ASAP1: variants seen among roughly 807,000 people sequenced by gnomAD.
ASAP1 encodes the protein ArfGAP with SH3 domain, ankyrin repeat and PH domain 1.
ASAP1 carries 43 observed loss-of-function variants against 145.2 expected under a neutral mutation model. The observed-to-expected ratio is 0.30, with a 90% CI of 0.23 to 0.38. The LOEUF is 0.38. ASAP1 is among the 10% of genes least tolerant of loss of function. The pLI is 1.00. For synonymous variants in ASAP1, 546 were observed against 515.5 expected, an observed-to-expected ratio of 1.06 and a Z score of -0.80; for missense variants, 1,018 against 1,355.3, an observed-to-expected ratio of 0.75 and a Z score of 3.91.
rs940943071 is a variant in ASAP1, at chr8:130,091,865, G to C, written c.2572+108C>G. The C allele has an allele frequency of 6.6e-6, 8 of 1,203,232 alleles. No homozygotes were observed. The Admixed American group carries it at 8.7e-5, about 13-fold the overall frequency. 74.5% of individuals were successfully genotyped at this position (1,203,232 alleles called of 1,614,324 possible). On this transcript the variant is annotated intron_variant, in intron 25 of 29. Coordinates refer to ENST00000518721, the MANE Select transcript of ASAP1 (RefSeq NM_018482.4). ...ATACCCGAGTCAGCACCCAGCATGTGTGTGCATTTTGGCACACTTTCTGAA... is the reference window on the plus strand; with the variant it reads ...ATACCCGAGTCAGCACCCAGCATGTCTGTGCATTTTGGCACACTTTCTGAA...
chr8:130,095,841 A>G (rs2097516523), intron 24 of ASAP1, among the ~76,000 whole-genome samples: 1 of 150,628 alleles, frequency 6.6e-6, no homozygotes, highest in South Asian at 2.1e-4. Flanking sequence ...CTGGTCTTGA[A>G]CTCCTGACCT....
intron 13 of ASAP1, 80 bp from the exon 14 acceptor site, chr8:130,137,118 AT>A: frequency 4.2e-6 from 5 of 1,179,430 alleles, no homozygotes; most frequent in Non-Finnish European, 5.1e-6. Flanking sequence ...TAGGGCAGGT[AT>A]GCTGTTCATA....
At chr8:130,376,833 G>A (rs1275539913) in intron 2 of ASAP1, among the ~76,000 whole-genome samples, 2 of 144,306 alleles carry the variant, frequency 1.4e-5, no homozygotes, top group East Asian at 2.0e-4. Flanking sequence ...AAGCCGGGAG[G>A]CAGAGGTTGC....
rs199740640 is a variant in ASAP1 at position 130,139,566 on chromosome 8, T to C, written c.1081-2528A>G. On this transcript the variant is annotated intron_variant, in intron 13 of 29. Coordinates refer to ENST00000518721, the MANE Select transcript of ASAP1 (RefSeq NM_018482.4). Reference sequence around the variant, plus strand: ...CGTGGCGAAACCCCGTTGTCTCTACTGAAAATACAAAACTTAGCTAAGCAT... The same window carrying C: ...CGTGGCGAAACCCCGTTGTCTCTACCGAAAATACAAAACTTAGCTAAGCAT... Among the ~76,000 whole-genome samples the C allele has an allele frequency of 1.7e-4, 26 of 152,102 alleles. No individual in the cohort carries two copies. In the East Asian group the frequency reaches 3.1e-3, roughly 18 times the overall value.
chr8:130,260,892 T>C (rs943509751), intron 3 of ASAP1, among the ~76,000 whole-genome samples: 5 of 152,220 alleles, frequency 3.3e-5, no homozygotes, highest in Admixed American at 6.5e-5. Flanking sequence ...AACTATATTG[T>C]GGTGCATAAA....
At position 130,219,607 on chromosome 8, in the gene ASAP1, G is replaced by A. The variant is rs542388926; in HGVS notation, c.260-4906C>T. The stretch of plus-strand genomic sequence containing the variant: ...CTGTTTTAAGATCTTTACTACATGC[G>A]AGTGCTAGAAGACTTTTGGGCACAT... On this transcript the variant is annotated intron_variant, in intron 4 of 29. Coordinates refer to ENST00000518721, the MANE Select transcript of ASAP1 (RefSeq NM_018482.4). Among the ~76,000 whole-genome samples the A allele has an allele frequency of 9.2e-5, 14 of 152,282 alleles. No homozygotes were observed. The South Asian group carries it at 1.0e-3, about 11-fold the overall frequency.
chr8:130,136,889 A>G (rs1370093944), intron 14 of ASAP1, 62 bp downstream of exon 14: 5 of 1,383,174 alleles, frequency 3.6e-6, no homozygotes, highest in Non-Finnish European at 5.2e-6. Flanking sequence ...TGACCTGGAG[A>G]ATGGAAATGT....
At chr8:130,133,934 A>C (rs930013914) in intron 15 of ASAP1, among the ~76,000 whole-genome samples, 17 of 152,238 alleles carry the variant, frequency 1.1e-4, no homozygotes, top group African/African-American at 3.4e-4. Context: ...GATGTGATTA[A>C]AAGATGCATA....
chr8:130,087,873 T>A (rs757853102), intron 25 of ASAP1, among the ~76,000 whole-genome samples: 5 of 152,142 alleles, frequency 3.3e-5, no homozygotes, highest in African/African-American at 7.2e-5. Context: ...GAGGAGTACA[T>A]GACAGCTCAC....
chr8:130,205,549 C>G (rs778775625), intron 5 of ASAP1, among the ~76,000 whole-genome samples: 32 of 148,530 alleles, frequency 2.2e-4, no homozygotes, highest in Non-Finnish European at 3.6e-4. Flanking sequence ...CAGTATGCAG[C>G]CTGTTAGAGC....
At chr8:130,181,026 G>T in intron 7 of ASAP1, 146 bp from the exon 8 acceptor site, 2 of 610,628 alleles carry the variant, frequency 3.3e-6, no homozygotes, top group Non-Finnish European at 5.2e-6. Flanking sequence ...CCACTCTGGT[G>T]GGGGTCAGTG....
chr8:130,380,106 T>A (rs982945432), intron 2 of ASAP1, among the ~76,000 whole-genome samples: 1 of 152,052 alleles, frequency 6.6e-6, no homozygotes, highest in Non-Finnish European at 1.5e-5. Flanking sequence ...TCAGGTTGGG[T>A]TCCCCCAGAA....
In ASAP1 at chr8:130,093,666, C is replaced by CAAAAAAAAAAAA. The variant is rs71572317; in HGVS notation, c.2402-1535_2402-1524dup. Among the ~76,000 whole-genome samples the CAAAAAAAAAAAA allele has an allele frequency of 3.8e-3, 197 of 52,060 alleles. 6 individuals are homozygous for CAAAAAAAAAAAA. The highest frequency in any genetic ancestry group is 0.029 in the Middle Eastern group (2 of 70). 34.2% of individuals were successfully genotyped at this position (52,060 alleles called of 152,430 possible). On this transcript the variant is annotated intron_variant, in intron 24 of 29. Transcript: ENST00000518721. ...TGGCTGTCACAGCGAGACTCCGTCT[C>CAAAAAAAAAAAA]AAAAAAAAAAAAAAAAAAAAAAAGA...
intron 3 of ASAP1, among the ~76,000 whole-genome samples, chr8:130,331,778 TCA>T (rs137994853): frequency 0.094 from 14,329 of 151,914 alleles, 862 homozygotes; most frequent in South Asian, 0.27. Flanking sequence ...ACCCCAAAAT[TCA>T]CAGACATATC....
At chr8:130,323,987 A>AT (rs1294721330) in intron 3 of ASAP1, among the ~76,000 whole-genome samples, 2 of 151,746 alleles carry the variant, frequency 1.3e-5, no homozygotes, top group Non-Finnish European at 2.9e-5. Flanking sequence ...TAACAATACT[A>AT]CTCCCTCAGT....
chr8:130,334,848 G>A (rs894450631), intron 3 of ASAP1, among the ~76,000 whole-genome samples: 1 of 152,154 alleles, frequency 6.6e-6, no homozygotes, highest in African/African-American at 2.4e-5. Flanking sequence ...ACAGCAATGT[G>A]ACTAAAAATC....
At chr8:130,239,055 C>G (rs1236915180) in intron 3 of ASAP1, among the ~76,000 whole-genome samples, 3 of 151,984 alleles carry the variant, frequency 2.0e-5, no homozygotes, top group African/African-American at 4.8e-5. Context: ...AAATGAAAAA[C>G]CAGGATCACT....
At chr8:130,110,285 C>T (rs2097544507) in intron 24 of ASAP1, among the ~76,000 whole-genome samples, 1 of 152,202 alleles carries the variant, frequency 6.6e-6, no homozygotes, top group African/African-American at 2.4e-5. Context: ...TCTCAATGAC[C>T]TAGAGGCTCT....
At chr8:130,393,150 G>C (rs1289059503) in intron 2 of ASAP1, among the ~76,000 whole-genome samples, 2 of 151,992 alleles carry the variant, frequency 1.3e-5, no homozygotes, top group Non-Finnish European at 1.5e-5. Context: ...GCTCATTGTA[G>C]AGCAGGATTT....
Sources: allele counts gnomAD v4.1 joint callset (sites outside exome capture counted in the v4.1 genomes callset), GRCh38; gene constraint gnomAD v4.1.1; transcripts MANE v1.5; gene names NCBI Gene and HGNC (gene_info 2026-07-23, HGNC 2026-07-21).